ZNF133: variants seen among roughly 807,000 people sequenced by gnomAD.
ZNF133 encodes zinc finger protein 133.
ZNF133 carries 26 observed loss-of-function variants against 54.9 expected under a neutral mutation model. The observed-to-expected ratio is 0.47, with a 90% CI of 0.35 to 0.66. The LOEUF (loss-of-function observed/expected upper bound fraction) is 0.66. Among genes scored for constraint, ZNF133 ranks in the 30% least tolerant of loss-of-function variants. ZNF133 has a pLI of 0.01. For missense variants in ZNF133, 653 were observed against 820.8 expected (o/e 0.80, Z 2.50); for synonymous variants, 298 against 320.3 (o/e 0.93, Z 0.74).
At chr20:18,315,000 T>A in intron 6 of ZNF133, 69 bp from the exon 7 acceptor site, 1 of 1,464,980 alleles carries the variant, frequency 6.8e-7, no homozygotes, top group Non-Finnish European at 9.1e-7. Context: ...GCCTAGGGGA[T>A]CTGACTAAGC....
chr20:18,312,072 G>T, intron 6 of ZNF133, among the ~76,000 whole-genome samples: 1 of 152,110 alleles, frequency 6.6e-6, no homozygotes, highest in East Asian at 1.9e-4. Flanking sequence ...AGATATCTTG[G>T]GTATAGGACC....
chr20:18,306,746 A>G, intron 6 of ZNF133: 1 of 1,336,716 alleles, frequency 7.5e-7, no homozygotes, highest in South Asian at 1.3e-5. Flanking sequence ...TACAGAAAGA[A>G]GGCAAGCCCA....
chr20:18,294,730 T>C (rs1014971503), intron 1 of ZNF133, among the ~76,000 whole-genome samples: 1 of 152,226 alleles, frequency 6.6e-6, no homozygotes, highest in Admixed American at 6.5e-5. Flanking sequence ...GAGGCAATCA[T>C]GACTTCTCCT....
chr20:18,302,811 A>G (rs1422604101), intron 3 of ZNF133, among the ~76,000 whole-genome samples: 3 of 152,244 alleles, frequency 2.0e-5, no homozygotes, highest in Non-Finnish European at 4.4e-5. Flanking sequence ...ACACAAACCT[A>G]TTAGAACTAG....
intron 3 of ZNF133, among the ~76,000 whole-genome samples, chr20:18,299,707 T>C (rs1158452199): frequency 6.6e-6 from 1 of 152,092 alleles, no homozygotes; most frequent in Non-Finnish European, 1.5e-5. Context: ...AAAGCAACAC[T>C]ACGTACAAGG....
At chr20:18,306,700 A>G (rs60441490) in intron 6 of ZNF133, 1 of 1,347,798 alleles carries the variant, frequency 7.4e-7, no homozygotes. Context: ...ACTGTTTTTT[A>G]AAAAGATCAT....
Position 18,298,333 on chromosome 20 carries a change from C to T in ZNF133, c.-309C>T, listed in dbSNP as rs763717528. The T allele has an allele frequency of 7.0e-5, 91 of 1,296,558 alleles. No individual in the cohort carries two copies. The highest frequency in any genetic ancestry group is 1.2e-4 in the South Asian group (6 of 48,544). The allele number at this position is 1,296,558 out of a possible 1,614,324, so 80.3% of individuals were successfully genotyped here. A position where few individuals can be genotyped will look rare whatever the true frequency, so the allele number is the denominator to read the frequency against. On this transcript the variant is annotated 5_prime_UTR_variant, in exon 3 of 7. In the 5' UTR this introduces an upstream ATG that the reference lacks. Transcript: ENST00000425686. ...TGAGAGTAACGTCACAGTAATGGAA[C>T]GGGAAGATTCTGGAATCTGTGTCCC...
chr20:18,298,184 C>G, intron 2 of ZNF133, 105 bp from the exon 3 acceptor site: 1 of 1,516,106 alleles, frequency 6.6e-7, no homozygotes, highest in Non-Finnish European at 8.8e-7. Flanking sequence ...TGCTCCCCTG[C>G]CTCAGCATCA....
chr20:18,299,071 GAAA>G (rs2042827790), intron 3 of ZNF133, among the ~76,000 whole-genome samples: 1 of 152,042 alleles, frequency 6.6e-6, no homozygotes, highest in Non-Finnish European at 1.5e-5. Flanking sequence ...AAAGAATGAG[GAAA>G]ATATGACCCA....
intron 1 of ZNF133, among the ~76,000 whole-genome samples, chr20:18,295,864 A>G (rs762149353): frequency 1.3e-5 from 2 of 152,112 alleles, no homozygotes; most frequent in Non-Finnish European, 2.9e-5. Context: ...AGGTCTCACC[A>G]TGTTGCCCAG....
chr20:18,292,902 G>A (rs2041370755), intron 1 of ZNF133, among the ~76,000 whole-genome samples: 1 of 152,244 alleles, frequency 6.6e-6, no homozygotes, highest in East Asian at 1.9e-4. Context: ...GGAGGCTTTT[G>A]CCATTGTCCT....
intron 1 of ZNF133, among the ~76,000 whole-genome samples, chr20:18,289,097 G>A (rs1451331080): frequency 6.6e-6 from 1 of 150,714 alleles, no homozygotes; most frequent in African/African-American, 2.4e-5. Flanking sequence ...ACTATTCTTC[G>A]GCTTTGCTGG....
At chr20:18,296,154 T>C (rs1217656055) in intron 1 of ZNF133, among the ~76,000 whole-genome samples, 1 of 152,144 alleles carries the variant, frequency 6.6e-6, no homozygotes. Flanking sequence ...AGCACATGTT[T>C]TCCTCCTCTT....
intron 3 of ZNF133, 76 bp from the exon 4 acceptor site, chr20:18,304,932 C>T (rs2044264222): frequency 1.1e-6 from 1 of 908,240 alleles, no homozygotes; most frequent in Admixed American, 6.2e-5. Context: ...TTTCTTCTTC[C>T]CTTGATTCCA....
At chr20:18,301,131 A>G (rs1408539879) in intron 3 of ZNF133, among the ~76,000 whole-genome samples, 5 of 152,200 alleles carry the variant, frequency 3.3e-5, no homozygotes, top group Non-Finnish European at 7.4e-5. Flanking sequence ...ACTGAAAGAA[A>G]ATTTAAAAAT....
chr20:18,316,091 G>A lies in ZNF133; in HGVS notation c.1240G>A (p.Val414Met), dbSNP rs779880709. The part of the protein sequence containing the change: ...HSKEKPYVCG[V>M]CGHSFSQNST... ...AAAGGAGAAGCCCTATGTGTGCGGG[G>A]TGTGTGGGCACAGCTTCAGCCAGAA... The change falls in exon 7 of 7, where the codon GTG (valine) becomes ATG (methionine). Residue 414 changes from valine to methionine, a missense_variant. By Grantham distance (21) the Val-to-Met change is conservative. Coordinates refer to ENST00000425686, the MANE Select transcript of ZNF133 (RefSeq NM_001352452.2). The A allele has an allele frequency of 1.2e-6, 2 of 1,613,244 alleles. No homozygotes were observed. The highest frequency in any genetic ancestry group is 2.2e-5 in the East Asian group (1 of 44,824).
chr20:18,288,538 C>G lies in ZNF133; in HGVS notation c.-498C>G, dbSNP rs1325214993. 6 of 398,530 alleles carry G rather than the reference C, an allele frequency of 1.5e-5. No individual in the cohort carries two copies. Among genetic ancestry groups the G allele is most frequent in the African/African-American group, 8.2e-5 (4 of 48,630 alleles). 24.7% of individuals were successfully genotyped at this position (398,530 alleles called of 1,614,324 possible). A position where few individuals can be genotyped will look rare whatever the true frequency, so the allele number is the denominator to read the frequency against. ...GCCGAGGATTCGGGGTAGTGTAGTC[C>G]TGGCGCCCCGCTGGAGGAGCTCCCC... On this transcript the variant is annotated 5_prime_UTR_variant, in exon 1 of 7. Transcript: ENST00000425686.
chr20:18,292,412 G>A (rs1388402935), intron 1 of ZNF133, among the ~76,000 whole-genome samples: 1 of 152,168 alleles, frequency 6.6e-6, no homozygotes, highest in African/African-American at 2.4e-5. Context: ...ACAGTGAACT[G>A]TCCGTCCCTT....
At chr20:18,294,339 CAG>C (rs1214625893) in intron 1 of ZNF133, among the ~76,000 whole-genome samples, 2 of 152,146 alleles carry the variant, frequency 1.3e-5, no homozygotes, top group Non-Finnish European at 2.9e-5. Context: ...TGAGAAAAGA[CAG>C]AGGATCTGTC....
Sources: allele counts gnomAD v4.1 joint callset (sites outside exome capture counted in the v4.1 genomes callset), GRCh38; gene constraint gnomAD v4.1.1; transcripts MANE v1.5; gene names NCBI Gene and HGNC (gene_info 2026-07-23, HGNC 2026-07-21).